Variants in PDGFRB observed in about 807,000 individuals in gnomAD.
The protein encoded by PDGFRB is platelet-derived growth factor receptor beta.
In PDGFRB, 42 loss-of-function variants were observed where a neutral mutation model predicts 120.2. That is an observed-to-expected ratio of 0.35 (90% CI 0.27 to 0.45). The LOEUF (loss-of-function observed/expected upper bound fraction) is 0.45, where lower values mean the gene tolerates loss of function less well. Among genes scored for constraint, PDGFRB ranks in the 20% least tolerant of loss-of-function variants. PDGFRB has a pLI of 1.00. For synonymous variants in PDGFRB, 586 were observed against 606.8 expected (o/e 0.97, Z 0.50); for missense variants, 1,149 against 1,476.3 (o/e 0.78, Z 3.63).
At chr5:150,154,344 T>G (rs952129001) in intron 1 of PDGFRB, among the ~76,000 whole-genome samples, 1 of 152,044 alleles carries the variant, frequency 6.6e-6, no homozygotes, top group African/African-American at 2.4e-5. Flanking sequence ...CACGGGGAGA[T>G]TCCAACCTCT....
intron 15 of PDGFRB, 41 bp from the exon 16 acceptor site, chr5:150,122,081 GCCTTCC>G: frequency 6.4e-7 from 1 of 1,562,426 alleles, no homozygotes; most frequent in Non-Finnish European, 8.8e-7. Flanking sequence ...TGCAGGCTTT[GCCTTCC>G]CCTCCCCTCC....
chr5:150,127,857 A>C (rs970735167), intron 10 of PDGFRB, among the ~76,000 whole-genome samples: 1 of 149,926 alleles, frequency 6.7e-6, no homozygotes, highest in Non-Finnish European at 1.5e-5. Flanking sequence ...AAAAAAAAAA[A>C]AACTTTGGAT....
chr5:150,128,903 C>T (rs1316909458), intron 10 of PDGFRB, among the ~76,000 whole-genome samples: 1 of 152,100 alleles, frequency 6.6e-6, no homozygotes, highest in Non-Finnish European at 1.5e-5. Flanking sequence ...GTTGGGTCCT[C>T]ATATTTATCG....
chr5:150,146,446 A>G (rs1021628569), intron 1 of PDGFRB, among the ~76,000 whole-genome samples: 3 of 152,216 alleles, frequency 2.0e-5, no homozygotes, highest in Admixed American at 6.5e-5. Context: ...GAGAATGATG[A>G]GTCTCAGAGA....
intron 1 of PDGFRB, among the ~76,000 whole-genome samples, chr5:150,150,234 G>C (rs531931272): frequency 2.6e-5 from 4 of 152,304 alleles, no homozygotes; most frequent in African/African-American, 7.2e-5. Flanking sequence ...GAACAAAGGC[G>C]AGCCCAGGTC....
rs752357102 is a variant in PDGFRB, at chr5:150,119,598, G to T, written c.2699-32C>A. The stretch of plus-strand genomic sequence containing the variant: ...GGGAGCAGAGACAAGAGATACACAG[G>T]CTCAGGGGTGGAAAAGTGGCAGGGC... On this transcript the variant is annotated intron_variant, in intron 19 of 22. Coordinates refer to ENST00000261799, the MANE Select transcript of PDGFRB (RefSeq NM_002609.4). The T allele has an allele frequency of 9.7e-6, 13 of 1,340,824 alleles. 1 individual carries two copies. The South Asian group carries it at 1.5e-4, about 16-fold the overall frequency. 83.1% of individuals were successfully genotyped at this position (1,340,824 alleles called of 1,614,324 possible). A position where few individuals can be genotyped will look rare whatever the true frequency, so the allele number is the denominator to read the frequency against.
Position 150,119,578 on chromosome 5 carries a change from C to A in PDGFRB, c.2699-12G>T. Reference sequence around the variant, plus strand: ...GTAAGGGGTGCCACCTGTTGGGGAGCAGAGACAAGAGATACACAGGCTCAG... The same window carrying A: ...GTAAGGGGTGCCACCTGTTGGGGAGAAGAGACAAGAGATACACAGGCTCAG... On this transcript the variant is annotated splice_polypyrimidine_tract_variant and intron_variant, in intron 19 of 22. Transcript: ENST00000261799. 6.5e-7 allele frequency: 1 copy of A among 1,536,538 alleles called. No homozygotes were observed. Among genetic ancestry groups the A allele is most frequent in the Non-Finnish European group, 9.0e-7 (1 of 1,109,212 alleles).
chr5:150,127,195 C>T (rs976397384), intron 10 of PDGFRB, among the ~76,000 whole-genome samples: 3 of 152,178 alleles, frequency 2.0e-5, no homozygotes, highest in Non-Finnish European at 2.9e-5. Flanking sequence ...GGAGTGGTGA[C>T]GGTAGTTAAC....
rs770112868 is a variant in PDGFRB at position 150,133,657 on chromosome 5, G to C, written c.863C>G (p.Thr288Ser). ...IPSAELEDSG[T>S]YTCNVTESVN... ...ACTCTCCGTCACATTGCAGGTGTAG[G>C]TCCCCGAGTCTTCTAACTCGGCACT... The change falls in exon 6 of 23, where the codon ACC (threonine) becomes AGC (serine). Residue 288 changes from threonine to serine, a missense_variant. By Grantham distance (58) the Thr-to-Ser change is moderately conservative. Around this residue, in one of 3 missense-constraint regions of PDGFRB, gnomAD observed 879 missense variants for 1,108.6 expected, o/e 0.79. Coordinates refer to ENST00000261799, the MANE Select transcript of PDGFRB (RefSeq NM_002609.4). 3 of 1,613,516 alleles carry C rather than the reference G, an allele frequency of 1.9e-6. No homozygotes were observed. Among genetic ancestry groups the C allele is most frequent in the Non-Finnish European group, 1.7e-6 (2 of 1,179,716 alleles).
rs1184721015 is a variant in PDGFRB at position 150,120,929 on chromosome 5, G to A, written c.2545C>T (p.Arg849Ter). The A allele has an allele frequency of 6.2e-7, 1 of 1,613,928 alleles. No individual in the cohort carries two copies. Among genetic ancestry groups the A allele is most frequent in the Non-Finnish European group, 8.5e-7 (1 of 1,179,866 alleles). The change falls in exon 18 of 23, where the codon CGA (arginine) becomes TGA (stop). Residue 849 changes from arginine (R) to a stop codon, truncating the protein, a stop_gained. Coordinates refer to ENST00000261799, the MANE Select transcript of PDGFRB (RefSeq NM_002609.4). LOFTEE classifies it high-confidence loss of function. The surrounding 1 kb of genome is among the most constrained non-coding windows in gnomAD (Gnocchi z 4.3). Reference protein sequence around the residue: ...LVKICDFGLARDIMRDSNYIS... With the variant: ...LVKICDFGLA ...TAATTCGAGTCCCGCATGATGTCTCGAGCCAGGCCAAAGTCACAGATCTTG... is the reference window on the plus strand; with the variant it reads ...TAATTCGAGTCCCGCATGATGTCTCAAGCCAGGCCAAAGTCACAGATCTTG...
Position 150,129,972 on chromosome 5 carries a change from C to T in PDGFRB, c.1368-4G>A, listed in dbSNP as rs1366279638. The T allele has an allele frequency of 1.2e-6, 2 of 1,612,456 alleles. No individual in the cohort carries two copies. The highest frequency in any genetic ancestry group is 1.7e-6 in the Non-Finnish European group (2 of 1,179,178). On this transcript the variant is annotated splice_polypyrimidine_tract_variant and splice_region_variant and intron_variant, in intron 9 of 22. Coordinates refer to ENST00000261799, the MANE Select transcript of PDGFRB (RefSeq NM_002609.4). Reference sequence around the variant, plus strand: ...GGGCGGCAGCTCACGTGGACACCTGCCAGGAGAGCCGGTAGGGTTGGCTGC... The same window carrying T: ...GGGCGGCAGCTCACGTGGACACCTGTCAGGAGAGCCGGTAGGGTTGGCTGC...
At chr5:150,146,620 T>A (rs1760930442) in intron 1 of PDGFRB, among the ~76,000 whole-genome samples, 1 of 152,164 alleles carries the variant, frequency 6.6e-6, no homozygotes, top group Non-Finnish European at 1.5e-5. Context: ...GGCATGATCA[T>A]AGCTCACAGC....
In PDGFRB at chr5:150,124,751, T is replaced by C; in HGVS notation, c.1888A>G (p.Lys630Glu). 1 of 1,594,614 alleles carries C rather than the reference T, an allele frequency of 6.3e-7. No homozygotes were observed. Among genetic ancestry groups the C allele is most frequent in the Non-Finnish European group, 8.6e-7 (1 of 1,163,716 alleles). Reference protein sequence around the residue: ...HGLSHSQATMKVAVKMLKSTA... With the variant: ...HGLSHSQATMEVAVKMLKSTA... ...CATTTAAGCATCTTGACGGCCACTT[T>C]CATCGTGGCCTGAGAATGGCTCAGG... is the stretch of plus-strand genomic sequence containing the variant. Residue 630 changes from lysine (K) to glutamate (E), a missense_variant, in exon 13 of 23, where the codon AAA (lysine) becomes GAA (glutamate). By Grantham distance (56) the Lys-to-Glu change is moderately conservative. Around this residue, in one of 3 missense-constraint regions of PDGFRB, gnomAD observed 879 missense variants for 1,108.6 expected, o/e 0.79. Coordinates refer to ENST00000261799, the MANE Select transcript of PDGFRB (RefSeq NM_002609.4).
chr5:150,123,234 T>C (rs770316602), intron 14 of PDGFRB, 33 bp from the exon 15 acceptor site: 2 of 1,589,676 alleles, frequency 1.3e-6, no homozygotes, highest in Non-Finnish European at 1.7e-6. Context: ...ACAGTCCCTA[T>C]GGAGGCCTCA....
At chr5:150,144,284 C>T (rs1333498616) in intron 1 of PDGFRB, among the ~76,000 whole-genome samples, 1 of 152,168 alleles carries the variant, frequency 6.6e-6, no homozygotes, top group Non-Finnish European at 1.5e-5. Context: ...TGCTCTCCAT[C>T]CCCCTCAGGC....
chr5:150,131,370 T>C (rs1326811162), intron 8 of PDGFRB, among the ~76,000 whole-genome samples: 12 of 152,072 alleles, frequency 7.9e-5, no homozygotes, highest in Non-Finnish European at 1.5e-4. Context: ...TCCCCAAATA[T>C]CCACTAAGCT....
rs778116400 is a variant in PDGFRB at position 150,135,670 on chromosome 5, G to A, written c.249C>T (p.Ser83=). The A allele has an allele frequency of 5.6e-6, 9 of 1,613,622 alleles. No individual in the cohort carries two copies. The highest frequency in any genetic ancestry group is 2.7e-5 in the African/African-American group (2 of 74,918). The change falls in exon 3 of 23, where the codon AGC becomes AGT. Residue 83 remains serine (S), a synonymous_variant. Coordinates refer to ENST00000261799, the MANE Select transcript of PDGFRB (RefSeq NM_002609.4). ...MAKAQDGTFS[S]VLTLTNLTGL... is the part of the protein sequence containing the mutation. ...CAGTGAGGTTGGTCAGTGTGAGCAC[G>A]CTGGAGAAGGTGCCATCCTGGGCCT...
At chr5:150,126,639 C>T (rs1760302603) in intron 10 of PDGFRB, 25 bp from the exon 11 acceptor site, 2 of 1,277,030 alleles carry the variant, frequency 1.6e-6, no homozygotes, top group African/African-American at 1.5e-5. Flanking sequence ...GAGAGCAGGC[C>T]ATGAGCAAAC....
chr5:150,137,324 C>T (rs1301914915), intron 1 of PDGFRB: 5 of 423,208 alleles, frequency 1.2e-5, no homozygotes, highest in African/African-American at 2.1e-5. Context: ...CGTCCCCAGA[C>T]TCTCTCTGTG....
Sources: gnomAD v4.1 joint callset for allele counts (sites outside exome capture counted in the v4.1 genomes callset) on GRCh38, gnomAD v4.1.1 for gene constraint, gnomAD v4.1.1 regional missense constraint, Gnocchi (gnomAD v3.1) non-coding constraint, MANE v1.5 for transcripts, NCBI Gene and HGNC (gene_info 2026-07-23, HGNC 2026-07-21) for gene names.